The following MFSD6 variants were observed in gnomAD, a reference collection of about 807,000 sequenced individuals.
MFSD6 encodes major facilitator superfamily domain-containing protein 6.
Under a neutral mutation model 56.3 loss-of-function variants are expected in MFSD6, and 26 were observed. That is an observed-to-expected ratio of 0.46 (90% confidence interval 0.34 to 0.64). The LOEUF is 0.64. Ranked by LOEUF, MFSD6 falls within the 30% of genes least tolerant of loss-of-function variation. MFSD6 has a pLI of 0.01. For missense variants in MFSD6, 750 were observed against 986.2 expected, an observed-to-expected ratio of 0.76 and a Z score of 3.21; for synonymous variants, 331 against 366.9, an observed-to-expected ratio of 0.90 and a Z score of 1.12.
chr2:190,471,589 G>A lies in MFSD6; in HGVS notation c.1630+1734G>A, dbSNP rs185768714. On this transcript the variant is annotated intron_variant, in intron 4 of 7. Transcript: ENST00000392328. The surrounding 1 kb of genome is among the most constrained non-coding windows in gnomAD (Gnocchi z 4.7). ...GGCTTGAGTAGGTAAACAAAGCAGCGGCTGGGAAGCTTGAACTGGGTGGAG... is the reference window on the plus strand; with the variant it reads ...GGCTTGAGTAGGTAAACAAAGCAGCAGCTGGGAAGCTTGAACTGGGTGGAG... Among the ~76,000 whole-genome samples, 12 of 152,146 alleles carry A rather than the reference G, an allele frequency of 7.9e-5. No individual in the cohort carries two copies. The highest frequency in any genetic ancestry group is 6.3e-3 in the Middle Eastern group (2 of 316).
intron 3 of MFSD6, among the ~76,000 whole-genome samples, chr2:190,440,993 C>T (rs147002670): frequency 2.0e-3 from 307 of 152,242 alleles, no homozygotes; most frequent in South Asian, 8.5e-3. Flanking sequence ...ATAGTCTGGT[C>T]ACTGGAGGAA....
chr2:190,435,683 C>CT (rs1686154149), intron 2 of MFSD6, among the ~76,000 whole-genome samples: 1 of 152,120 alleles, frequency 6.6e-6, no homozygotes, highest in South Asian at 2.1e-4. Flanking sequence ...GACATAATCC[C>CT]TATTATTTGT....
intron 4 of MFSD6, among the ~76,000 whole-genome samples, chr2:190,479,076 C>T (rs1006618685): frequency 1.3e-5 from 2 of 152,110 alleles, no homozygotes; most frequent in Admixed American, 6.6e-5. Flanking sequence ...TCCTCTCAGG[C>T]CATGTTCATA....
rs1325618795 is a variant in MFSD6, at chr2:190,465,179, A to G, written c.1533-4579A>G. On this transcript the variant is annotated intron_variant, in intron 3 of 7. Transcript: ENST00000392328. The surrounding 1 kb of genome is among the most constrained non-coding windows in gnomAD (Gnocchi z 4.6). ...CTTGTAGTTTGCTCAAATACAGGAT[A>G]AAAAACGAGTGGCAGGTGATTTGGG... is the stretch of plus-strand genomic sequence containing the variant. Among the ~76,000 whole-genome samples, 5 of 152,196 alleles carry G rather than the reference A, an allele frequency of 3.3e-5. No individual in the cohort carries two copies. Among genetic ancestry groups the G allele is most frequent in the Non-Finnish European group, 7.3e-5 (5 of 68,028 alleles).
At chr2:190,477,477 G>GTCCT in intron 4 of MFSD6, 3 of 489,718 alleles carry the variant, frequency 6.1e-6, no homozygotes, top group Non-Finnish European at 8.0e-6. Context: ...GAAAAGGACG[G>GTCCT]TTTCCATAAG....
chr2:190,432,844 T>A (rs1270720886), intron 2 of MFSD6, among the ~76,000 whole-genome samples: 30 of 114,174 alleles, frequency 2.6e-4, no homozygotes, highest in Middle Eastern at 4.3e-3. Context: ...ACACACACTC[T>A]CTCTCTCTCT....
rs764632947 is a variant in MFSD6, at chr2:190,437,573, C to A, written c.1532+12C>A. On this transcript the variant is annotated intron_variant, in intron 3 of 7. Transcript: ENST00000392328. This position sits in a 1 kb window ranked among gnomAD's most constrained non-coding sequence, Gnocchi z 5.9. ...ATCGGCCACATCAGGTAAGAACATG[C>A]TTACGATTGCTGCCCCTCAGCAATT... 2 of 1,601,970 alleles carry A rather than the reference C, an allele frequency of 1.2e-6. No individual in the cohort carries two copies. Among genetic ancestry groups the A allele is most frequent in the African/African-American group, 2.7e-5 (2 of 74,428 alleles).
At position 190,461,246 on chromosome 2, in the gene MFSD6, A is replaced by C. The variant is rs1687313038; in HGVS notation, c.1533-8512A>C. The stretch of plus-strand genomic sequence containing the variant: ...CATTTAATGGGTCTGTTTCTACTGC[A>C]TGAAACACAGTGACTTGATGTCTGT... On this transcript the variant is annotated intron_variant, in intron 3 of 7. Transcript: ENST00000392328. The surrounding 1 kb of genome is among the most constrained non-coding windows in gnomAD (Gnocchi z 5.5). Among the ~76,000 whole-genome samples, 1 of 152,246 alleles carries C rather than the reference A, an allele frequency of 6.6e-6. No individual in the cohort carries two copies. The highest frequency in any genetic ancestry group is 2.4e-5 in the African/African-American group (1 of 41,454).
At position 190,499,707 on chromosome 2, in the gene MFSD6, G is replaced by C; in HGVS notation, c.2173-308G>C. The C allele has an allele frequency of 9.6e-7, 1 of 1,036,938 alleles. No homozygotes were observed. The highest frequency in any genetic ancestry group is 5.2e-5 in the East Asian group (1 of 19,282). 64.2% of individuals were successfully genotyped at this position (1,036,938 alleles called of 1,614,324 possible). On this transcript the variant is annotated intron_variant, in intron 7 of 7. Coordinates refer to ENST00000392328, the MANE Select transcript of MFSD6 (RefSeq NM_017694.4). This position sits in a 1 kb window ranked among gnomAD's most constrained non-coding sequence, Gnocchi z 6.0. The stretch of plus-strand genomic sequence containing the variant: ...AGCGACTTGCCACATGGCTTGGGGG[G>C]CTCAGTAAATATTTGCTGATGTAAA...
intron 3 of MFSD6, among the ~76,000 whole-genome samples, chr2:190,449,447 C>G (rs989144713): frequency 1.5e-4 from 23 of 151,894 alleles, no homozygotes; most frequent in Admixed American, 6.6e-5. Flanking sequence ...GCACACCCGC[C>G]TAGGTGACAG....
In MFSD6 at chr2:190,413,368, A is replaced by C. The variant is rs1196278139; in HGVS notation, c.-175-1924A>C. 6.6e-6 allele frequency among the ~76,000 whole-genome samples: 1 copy of C among 152,240 alleles called. No homozygotes were observed. ...ACCATGTTCAAGAGATGTGGAAAAA[A>C]ATTGAATTAAGGGGGGCAGAGATGT... On this transcript the variant is annotated intron_variant, in intron 1 of 7. Transcript: ENST00000392328. This position sits in a 1 kb window ranked among gnomAD's most constrained non-coding sequence, Gnocchi z 4.1.
chr2:190,411,526 A>T (rs1225028163), intron 1 of MFSD6: 1 of 985,170 alleles, frequency 1.0e-6, no homozygotes, highest in East Asian at 1.1e-4. Flanking sequence ...TTACCTTATA[A>T]AGTTATGTTT....
rs1380915914 is a variant in MFSD6 at position 190,494,336 on chromosome 2, G to A, written c.1892-3103G>A. Among the ~76,000 whole-genome samples, 1 of 152,050 alleles carries A rather than the reference G, an allele frequency of 6.6e-6. No homozygotes were observed. The highest frequency in any genetic ancestry group is 1.5e-5 in the Non-Finnish European group (1 of 67,972). On this transcript the variant is annotated intron_variant, in intron 6 of 7. Transcript: ENST00000392328. This position sits in a 1 kb window ranked among gnomAD's most constrained non-coding sequence, Gnocchi z 5.7. ...GAAACCCTGAACAGACAACTAAGTAGTGAGACTGAATCAGTAATAAAAAAA... is the reference window on the plus strand; with the variant it reads ...GAAACCCTGAACAGACAACTAAGTAATGAGACTGAATCAGTAATAAAAAAA...
chr2:190,437,896 C>T lies in MFSD6; in HGVS notation c.1532+335C>T, dbSNP rs1686231838. 1.3e-5 allele frequency among the ~76,000 whole-genome samples: 2 copies of T among 152,162 alleles called. No individual in the cohort carries two copies. Among genetic ancestry groups the T allele is most frequent in the South Asian group, 4.1e-4 (2 of 4,828 alleles). ...CACCAGCTTAGTGAACATATTATTCCATGGAGGGTCCACCTGTCCTAGGCA... is the reference window on the plus strand; with the variant it reads ...CACCAGCTTAGTGAACATATTATTCTATGGAGGGTCCACCTGTCCTAGGCA... On this transcript the variant is annotated intron_variant, in intron 3 of 7. Coordinates refer to ENST00000392328, the MANE Select transcript of MFSD6 (RefSeq NM_017694.4). The surrounding 1 kb of genome is among the most constrained non-coding windows in gnomAD (Gnocchi z 5.9).
chr2:190,482,601 C>T (rs570594378), intron 4 of MFSD6, among the ~76,000 whole-genome samples: 2 of 152,196 alleles, frequency 1.3e-5, no homozygotes, highest in Non-Finnish European at 2.9e-5. Context: ...CTCCTCCCAG[C>T]CATTATAATG....
chr2:190,450,519 G>T (rs11673921), intron 3 of MFSD6, among the ~76,000 whole-genome samples: 29,398 of 133,940 alleles, frequency 0.22, 4,128 homozygotes, highest in Non-Finnish European at 0.31. Context: ...TGAGACAGGG[G>T]TCTCACTCTG....
intron 2 of MFSD6, among the ~76,000 whole-genome samples, chr2:190,428,752 C>A (rs1460371111): frequency 2.0e-5 from 3 of 152,076 alleles, no homozygotes; most frequent in African/African-American, 7.2e-5. Flanking sequence ...CAGCTCACTG[C>A]AACCCTGCTT....
At position 190,435,987 on chromosome 2, in the gene MFSD6, C is replaced by T; in HGVS notation, c.-43C>T. The T allele has an allele frequency of 6.4e-7, 1 of 1,561,292 alleles. No homozygotes were observed. The highest frequency in any genetic ancestry group is 8.7e-7 in the Non-Finnish European group (1 of 1,155,280). On this transcript the variant is annotated 5_prime_UTR_variant, in exon 3 of 8. Transcript: ENST00000392328. ...AATTTTACTTTACAGATCAACAGTACAAATTCTGAAGTTTGTAAACTTGCT... is the reference window on the plus strand; with the variant it reads ...AATTTTACTTTACAGATCAACAGTATAAATTCTGAAGTTTGTAAACTTGCT...
At chr2:190,446,121 G>A (rs1158714572) in intron 3 of MFSD6, among the ~76,000 whole-genome samples, 1 of 152,156 alleles carries the variant, frequency 6.6e-6, no homozygotes, top group African/African-American at 2.4e-5. Flanking sequence ...GAATGATTTT[G>A]CCACCATCAA....
Sources: allele counts gnomAD v4.1 joint callset (sites outside exome capture counted in the v4.1 genomes callset), GRCh38; gene constraint gnomAD v4.1.1; non-coding constraint Gnocchi (gnomAD v3.1); transcripts MANE v1.5; gene names NCBI Gene and HGNC (gene_info 2026-07-23, HGNC 2026-07-21).